The following CNST variants were observed in gnomAD, a reference collection of about 807,000 sequenced individuals.
CNST encodes consortin.
CNST carries 39 observed loss-of-function variants against 72.4 expected under a neutral mutation model. That is an observed-to-expected ratio of 0.54 (90% CI 0.42 to 0.70). The LOEUF (loss-of-function observed/expected upper bound fraction) is 0.70, where lower values mean the gene tolerates loss of function less well. Among genes scored for constraint, CNST ranks in the 30% least tolerant of loss-of-function variants. CNST has a pLI of 0.00. For synonymous variants in CNST, 332 were observed against 320.1 expected, an observed-to-expected ratio of 1.04 and a Z score of -0.40; for missense variants, 871 against 868.5, an observed-to-expected ratio of 1.00 and a Z score of -0.04.
chr1:246,633,506 G>A (rs1335543615), intron 4 of CNST, among the ~76,000 whole-genome samples: 2 of 151,850 alleles, frequency 1.3e-5, no homozygotes. Context: ...ACTTTGGGAG[G>A]CCGAGGCAGG....
chr1:246,664,211 G>A (rs1667262635), intron 10 of CNST, among the ~76,000 whole-genome samples: 1 of 151,876 alleles, frequency 6.6e-6, no homozygotes. Flanking sequence ...CTGTTCCATT[G>A]TAACCAGAAC....
Position 246,573,823 on chromosome 1 carries a change from G to A in CNST, c.-52+7160G>A, listed in dbSNP as rs536038538. Among the ~76,000 whole-genome samples, 97 of 152,162 alleles carry A rather than the reference G, an allele frequency of 6.4e-4. 1 individual carries two copies. Among genetic ancestry groups the A allele is most frequent in the African/African-American group, 2.3e-3 (94 of 41,528 alleles). The stretch of plus-strand genomic sequence containing the variant: ...CCACGTACTTTGTATAGCCTTTGCT[G>A]GAGAGTTTCCATTTTCCTCCAGCTC... On this transcript the variant is annotated intron_variant, in intron 1 of 10. Coordinates refer to ENST00000366513, the MANE Select transcript of CNST (RefSeq NM_152609.3).
chr1:246,600,322 C>T (rs141768950), intron 2 of CNST, among the ~76,000 whole-genome samples: 52 of 152,354 alleles, frequency 3.4e-4, no homozygotes, highest in African/African-American at 1.2e-3. Context: ...TTGTTTTTAA[C>T]ATGACCAGTT....
intron 9 of CNST, chr1:246,648,284 T>C (rs896356370): frequency 3.4e-6 from 4 of 1,183,870 alleles, no homozygotes; most frequent in Admixed American, 4.0e-5. Context: ...GTGAGCGTTA[T>C]TGTATATATC....
intron 9 of CNST, among the ~76,000 whole-genome samples, chr1:246,651,083 T>C (rs891167982): frequency 2.0e-5 from 3 of 152,206 alleles, no homozygotes; most frequent in African/African-American, 4.8e-5. Flanking sequence ...TGTTGGCCTT[T>C]TGGGGGATCT....
intron 9 of CNST, among the ~76,000 whole-genome samples, chr1:246,655,500 T>A (rs1179455915): frequency 6.6e-6 from 1 of 152,212 alleles, no homozygotes; most frequent in Admixed American, 6.5e-5. Context: ...ACAAAGATCT[T>A]TCATCTAATC....
intron 8 of CNST, among the ~76,000 whole-genome samples, chr1:246,642,577 C>T (rs1665784210): frequency 6.6e-6 from 1 of 151,600 alleles, no homozygotes; most frequent in South Asian, 2.1e-4. Flanking sequence ...TATTTCATAC[C>T]ACCTTGTGCC....
chr1:246,604,596 C>T (rs1662562647), intron 2 of CNST, among the ~76,000 whole-genome samples: 1 of 151,788 alleles, frequency 6.6e-6, no homozygotes. Context: ...TTTGCTTTGG[C>T]TATTAGGCTC....
Position 246,585,660 on chromosome 1 carries a change from A to AT in CNST, c.-51-5852_-51-5851insT, listed in dbSNP as rs1303783115. Reference sequence around the variant, plus strand: ...CTGTCTCAAAAAAAAAAAAAAAAAAAAAATATACACACACACACACACACA... The same window carrying AT: ...CTGTCTCAAAAAAAAAAAAAAAAAAATAAATATACACACACACACACACACA... On this transcript the variant is annotated intron_variant, in intron 1 of 10. Coordinates refer to ENST00000366513, the MANE Select transcript of CNST (RefSeq NM_152609.3). Among the ~76,000 whole-genome samples the AT allele has an allele frequency of 1.7e-3, 127 of 74,752 alleles. 2 individuals carry two copies. The highest frequency in any genetic ancestry group is 6.1e-3 in the African/African-American group (119 of 19,372). The allele number at this position is 74,752 out of a possible 152,430, so 49.0% of individuals were successfully genotyped here.
chr1:246,612,811 G>A (rs1663419827), intron 2 of CNST, among the ~76,000 whole-genome samples: 1 of 152,088 alleles, frequency 6.6e-6, no homozygotes, highest in Non-Finnish European at 1.5e-5. Context: ...CTTGAACTGG[G>A]GAGGTCGAGG....
At chr1:246,579,475 C>T (rs954806710) in intron 1 of CNST, among the ~76,000 whole-genome samples, 48 of 152,264 alleles carry the variant, frequency 3.2e-4, no homozygotes, top group African/African-American at 1.1e-3. Context: ...TCATGATTCA[C>T]AAATAGCCAG....
At chr1:246,649,156 G>GTTTTTTT (rs767552283) in intron 9 of CNST, among the ~76,000 whole-genome samples, 3 of 73,788 alleles carry the variant, frequency 4.1e-5, no homozygotes, top group Non-Finnish European at 5.5e-5. Flanking sequence ...ACAGACTGTT[G>GTTTTTTT]TTTTGTTTTT....
chr1:246,591,046 T>C (rs985527284), intron 1 of CNST, among the ~76,000 whole-genome samples: 1 of 152,194 alleles, frequency 6.6e-6, no homozygotes, highest in East Asian at 1.9e-4. Flanking sequence ...TTTCCAAATA[T>C]TGCTGCTGTT....
At chr1:246,645,754 A>G (rs1666024435) in intron 8 of CNST, among the ~76,000 whole-genome samples, 3 of 152,168 alleles carry the variant, frequency 2.0e-5, no homozygotes, top group Non-Finnish European at 2.9e-5. Flanking sequence ...TAAAATAGTT[A>G]TGAATGCTAA....
intron 2 of CNST, among the ~76,000 whole-genome samples, chr1:246,608,398 A>C (rs1278557930): frequency 6.6e-6 from 1 of 152,226 alleles, no homozygotes; most frequent in African/African-American, 2.4e-5. Flanking sequence ...GCTTGGGCAA[A>C]TGTCTTACAC....
At chr1:246,577,236 C>T (rs535489164) in intron 1 of CNST, among the ~76,000 whole-genome samples, 1 of 152,108 alleles carries the variant, frequency 6.6e-6, no homozygotes, top group South Asian at 2.1e-4. Flanking sequence ...TTCAACAGTA[C>T]AAGCAAACCC....
chr1:246,633,732 G>C (rs1485176377), intron 4 of CNST, among the ~76,000 whole-genome samples, 192 bp from the exon 5 acceptor site: 1 of 143,450 alleles, frequency 7.0e-6, no homozygotes, highest in Non-Finnish European at 1.5e-5. Context: ...TACAGAGCAA[G>C]ATTCCATCTC....
Position 246,636,168 on chromosome 1 carries a change from C to T in CNST, c.818+1581C>T, listed in dbSNP as rs191089555. 1.7e-3 allele frequency among the ~76,000 whole-genome samples: 262 copies of T among 152,214 alleles called. 1 individual carries two copies. Among genetic ancestry groups the T allele is most frequent in the Non-Finnish European group, 2.7e-3 (185 of 68,022 alleles). On this transcript the variant is annotated intron_variant, in intron 6 of 10. Coordinates refer to ENST00000366513, the MANE Select transcript of CNST (RefSeq NM_152609.3). ...TGAGGTAGCTGAAGTTAGAGGGAGA[C>T]CAGGCTCCAGGGGGTAACCTTGGCC...
At chr1:246,621,700 A>G (rs1664104216) in intron 3 of CNST, 66 bp downstream of exon 3, 1 of 1,383,854 alleles carries the variant, frequency 7.2e-7, no homozygotes, top group East Asian at 2.3e-5. Context: ...GGAATGATCT[A>G]AAATGCTGTC....
Sources: allele counts gnomAD v4.1 joint callset (sites outside exome capture counted in the v4.1 genomes callset), GRCh38; gene constraint gnomAD v4.1.1; transcripts MANE v1.5; gene names NCBI Gene and HGNC (gene_info 2026-07-23, HGNC 2026-07-21).